The following PDPR variants were observed in gnomAD, a reference collection of about 807,000 sequenced individuals.
PDPR encodes the protein pyruvate dehydrogenase phosphatase regulatory subunit, mitochondrial.
Under a neutral mutation model 102.2 loss-of-function variants are expected in PDPR, and 50 were observed. The ratio of observed to expected loss-of-function variants is 0.49; its 90% CI spans 0.39 to 0.62. PDPR has a LOEUF of 0.62. Among genes scored for constraint, PDPR ranks in the 20% least tolerant of loss-of-function variants. The pLI is 0.00. For missense variants in PDPR, 625 were observed against 1,098.2 expected, an observed-to-expected ratio of 0.57 and a Z score of 6.09; for synonymous variants, 259 against 406.0, an observed-to-expected ratio of 0.64 and a Z score of 4.35.
In PDPR at chr16:70,158,534, C is replaced by G. The variant is rs1290544890; in HGVS notation, c.*1655C>G. 6.6e-6 allele frequency: 1 copy of G among 152,308 alleles called. No homozygotes were observed. Among genetic ancestry groups the G allele is most frequent in the Admixed American group, 6.6e-5 (1 of 15,076 alleles). The allele number at this position is 152,308 out of a possible 1,614,324, so 9.4% of individuals were successfully genotyped here. ...TTGCCACTTCCCCAACTAGACCACT[C>G]CTAGTGATTACTGACTTTAGTGCCT... On this transcript the variant is annotated 3_prime_UTR_variant, in exon 19 of 19. Transcript: ENST00000288050.
rs1967672867 is a variant in PDPR at position 70,160,470 on chromosome 16, C to T, written c.*3591C>T. On this transcript the variant is annotated 3_prime_UTR_variant, in exon 19 of 19. Coordinates refer to ENST00000288050, the MANE Select transcript of PDPR (RefSeq NM_017990.5). The stretch of plus-strand genomic sequence containing the variant: ...GTATTTTTCACGCTCTTCCAGGGAT[C>T]CCTGTCCCCCGACATTGAAGAGATC... The T allele has an allele frequency of 6.5e-6, 1 of 152,898 alleles. No homozygotes were observed. The highest frequency in any genetic ancestry group is 6.5e-5 in the Admixed American group (1 of 15,290). 9.5% of individuals were successfully genotyped at this position (152,898 alleles called of 1,614,324 possible). A position where few individuals can be genotyped will look rare whatever the true frequency, so the allele number is the denominator to read the frequency against.
At chr16:70,141,390 A>G (rs1433953303) in intron 11 of PDPR, among the ~76,000 whole-genome samples, 1 of 152,268 alleles carries the variant, frequency 6.6e-6, no homozygotes, top group Admixed American at 6.5e-5. Flanking sequence ...TTGTGTGAAT[A>G]ATGTCATTGG....
chr16:70,144,981 A>G (rs151059860), intron 15 of PDPR, among the ~76,000 whole-genome samples: 7,896 of 148,064 alleles, frequency 0.053, 200 homozygotes, highest in African/African-American at 0.19. Context: ...AGGGCTGGAC[A>G]CAGTGGCTTA....
chr16:70,134,502 G>A (rs980895179), intron 9 of PDPR, among the ~76,000 whole-genome samples: 2 of 148,920 alleles, frequency 1.3e-5, no homozygotes, highest in African/African-American at 2.5e-5. Context: ...TGGGATTACC[G>A]GTATGAGCCA....
chr16:70,125,387 C>CA (rs1332668163), intron 3 of PDPR, among the ~76,000 whole-genome samples: 10 of 143,578 alleles, frequency 7.0e-5, no homozygotes, highest in South Asian at 2.2e-4. Flanking sequence ...AAAAAACAAA[C>CA]AAACAAAAAA....
intron 4 of PDPR, among the ~76,000 whole-genome samples, chr16:70,128,181 G>C (rs2152074649): frequency 6.6e-6 from 1 of 152,320 alleles, no homozygotes; most frequent in African/African-American, 2.4e-5. Flanking sequence ...CTGCCTAAAA[G>C]GTGGGAAGAA....
chr16:70,124,498 T>G (rs1963716564), intron 3 of PDPR, among the ~76,000 whole-genome samples: 1 of 152,292 alleles, frequency 6.6e-6, no homozygotes, highest in South Asian at 2.1e-4. Context: ...GTCTGCACAT[T>G]AGAATCAGCT....
chr16:70,132,812 T>TATC, intron 9 of PDPR, among the ~76,000 whole-genome samples: 1 of 152,268 alleles, frequency 6.6e-6, no homozygotes, highest in Non-Finnish European at 1.5e-5. Context: ...TAGTCATCTC[T>TATC]ATCATTTTGT....
chr16:70,139,334 G>A (rs1156915353), intron 11 of PDPR, among the ~76,000 whole-genome samples: 6 of 152,296 alleles, frequency 3.9e-5, no homozygotes, highest in South Asian at 2.1e-4. Context: ...TTGAGAGACC[G>A]TATGTCGAAG....
intron 3 of PDPR, among the ~76,000 whole-genome samples, chr16:70,125,391 C>CAGAAA (rs1555521454): frequency 6.9e-6 from 1 of 144,996 alleles, no homozygotes; most frequent in East Asian, 2.0e-4. Context: ...AACAAACAAA[C>CAGAAA]AAAAAAACAA....
Position 70,136,180 on chromosome 16 carries a change from T to C in PDPR, c.998-14T>C, listed in dbSNP as rs1268662593. On this transcript the variant is annotated splice_polypyrimidine_tract_variant and intron_variant, in intron 9 of 18. Transcript: ENST00000288050. ...AAGGTGAGAACTCTATTTGGTTTTG[T>C]TGTCATTGCTCAGAGCCTCTGTTGA... The C allele has an allele frequency of 4.0e-6, 6 of 1,514,804 alleles. No homozygotes were observed. The East Asian group carries it at 1.2e-4, about 29-fold the overall frequency. 93.8% of individuals were successfully genotyped at this position (1,514,804 alleles called of 1,614,324 possible).
chr16:70,113,923 G>A (rs1176036779), upstream of PDPR: 1 of 151,022 alleles, frequency 6.6e-6, no homozygotes, highest in Non-Finnish European at 1.5e-5. Flanking sequence ...GGACTGCTTG[G>A]CTTAGGACTG....
intron 18 of PDPR, 106 bp downstream of exon 18, chr16:70,153,679 AG>A: frequency 8.1e-7 from 1 of 1,239,664 alleles, no homozygotes; most frequent in South Asian, 1.6e-5. Flanking sequence ...GAAAAGATTG[AG>A]GCCTTGATGT....
At chr16:70,144,616 C>G in intron 15 of PDPR, 83 bp downstream of exon 15, 2 of 511,396 alleles carry the variant, frequency 3.9e-6, no homozygotes, top group South Asian at 4.1e-5. Flanking sequence ...ATTTGACTCT[C>G]AAAAATGAAC....
chr16:70,135,687 T>G (rs1253059748), intron 9 of PDPR, among the ~76,000 whole-genome samples: 2 of 152,286 alleles, frequency 1.3e-5, no homozygotes, highest in Admixed American at 1.3e-4. Context: ...TTCCTCAGTC[T>G]TTATACCAAG....
intron 9 of PDPR, among the ~76,000 whole-genome samples, chr16:70,135,817 T>C (rs565110496): frequency 1.2e-4 from 18 of 152,354 alleles, no homozygotes; most frequent in Non-Finnish European, 2.5e-4. Flanking sequence ...CCTATAATCC[T>C]AGCACTTTGG....
At chr16:70,125,467 T>G (rs1257974079) in intron 3 of PDPR, among the ~76,000 whole-genome samples, 2 of 148,204 alleles carry the variant, frequency 1.3e-5, no homozygotes, top group Non-Finnish European at 3.0e-5. Flanking sequence ...GGCAGGAGAA[T>G]AGCTTGAACC....
chr16:70,128,180 A>T (rs545736400), intron 4 of PDPR, among the ~76,000 whole-genome samples: 1 of 152,060 alleles, frequency 6.6e-6, no homozygotes, highest in East Asian at 1.9e-4. Context: ...ACTGCCTAAA[A>T]GGTGGGAAGA....
At chr16:70,144,576 T>G (rs1381565614) in intron 15 of PDPR, 43 bp downstream of exon 15, 1 of 527,740 alleles carries the variant, frequency 1.9e-6, no homozygotes, top group South Asian at 2.0e-5. Context: ...GGCCAGCAGA[T>G]GCAGATGTGT....
Sources: gnomAD v4.1 joint callset for allele counts (sites outside exome capture counted in the v4.1 genomes callset) on GRCh38, gnomAD v4.1.1 for gene constraint, MANE v1.5 for transcripts, NCBI Gene and HGNC (gene_info 2026-07-23, HGNC 2026-07-21) for gene names.